The following ZSWIM6 variants were observed in gnomAD, a reference collection of about 807,000 sequenced individuals.
ZSWIM6 encodes the protein zinc finger SWIM domain-containing protein 6.
Under a neutral mutation model 113.2 loss-of-function variants are expected in ZSWIM6, and 9 were observed. The observed-to-expected ratio is 0.08, with a 90% confidence interval of 0.05 to 0.14. The LOEUF is 0.14. Among genes scored for constraint, ZSWIM6 ranks in the 10% least tolerant of loss-of-function variants. The pLI is 1.00. For synonymous variants in ZSWIM6, 611 were observed against 606.5 expected, an observed-to-expected ratio of 1.01 and a Z score of -0.11; for missense variants, 1,162 against 1,552.2, an observed-to-expected ratio of 0.75 and a Z score of 4.22.
chr5:61,431,087 A>G (rs1450855771), intron 1 of ZSWIM6, among the ~76,000 whole-genome samples: 1 of 152,080 alleles, frequency 6.6e-6, no homozygotes, highest in African/African-American at 2.4e-5. Context: ...ATATCATCTT[A>G]TGGGTCGGGC....
intron 4 of ZSWIM6, among the ~76,000 whole-genome samples, chr5:61,520,668 C>T (rs139630875): frequency 1.9e-3 from 291 of 151,808 alleles, no homozygotes; most frequent in African/African-American, 6.4e-3. Context: ...ATTTTACTGA[C>T]GGATAAATAT....
chr5:61,366,142 C>T (rs183307664), intron 1 of ZSWIM6, among the ~76,000 whole-genome samples: 165 of 152,286 alleles, frequency 1.1e-3, no homozygotes, highest in Non-Finnish European at 2.0e-3. Flanking sequence ...GCGATCTGCC[C>T]GCCTTGGCCT....
intron 1 of ZSWIM6, among the ~76,000 whole-genome samples, chr5:61,406,902 G>A (rs1273610081): frequency 6.6e-6 from 1 of 152,100 alleles, no homozygotes; most frequent in African/African-American, 2.4e-5. Flanking sequence ...TAGTAGAGAC[G>A]GTGTTTTGCC....
Position 61,526,352 on chromosome 5 carries a change from G to A in ZSWIM6, c.1793G>A (p.Arg598Gln), listed in dbSNP as rs954444840. Residue 598 changes from arginine (R) to glutamine (Q), a missense_variant, in exon 7 of 14, where the codon CGA becomes CAA. This residue lies in a region of ZSWIM6 where 620 missense variants were observed against 804.6 expected (regional missense o/e 0.77). Coordinates refer to ENST00000252744, the MANE Select transcript of ZSWIM6 (RefSeq NM_020928.2). ...LAIAIVNTLR[R>Q]QQQKQLEMFR... ...ATAGCTATTGTTAATACATTAAGAC[G>A]ACAGCAGCAGAAACAGTTGGAAATG... 6 of 1,552,038 alleles carry A rather than the reference G, an allele frequency of 3.9e-6. No individual in the cohort carries two copies. The highest frequency in any genetic ancestry group is 2.4e-5 in the East Asian group (1 of 40,908).
At chr5:61,496,584 G>A (rs1247506442) in intron 4 of ZSWIM6, among the ~76,000 whole-genome samples, 1 of 152,094 alleles carries the variant, frequency 6.6e-6, no homozygotes, top group East Asian at 1.9e-4. Flanking sequence ...AGTTTTGTCG[G>A]CAAATGGGAT....
chr5:61,430,421 TG>T (rs1350875851), intron 1 of ZSWIM6, among the ~76,000 whole-genome samples: 2 of 152,238 alleles, frequency 1.3e-5, no homozygotes, highest in Non-Finnish European at 2.9e-5. Context: ...TTTGGTTTCC[TG>T]TTATATTAAA....
At position 61,543,735 on chromosome 5, in the gene ZSWIM6, G is replaced by A. The variant is rs1251656131; in HGVS notation, c.3066G>A (p.Thr1022=). Reference sequence around the variant, plus strand: ...ACCAAATTGTTCTCGACGCTGCTACGACTGGCATGAGCTATACACAGCTCT... The same window carrying A: ...ACCAAATTGTTCTCGACGCTGCTACAACTGGCATGAGCTATACACAGCTCT... ...TAYQIVLDAA[T]TGMSYTQLFT... Residue 1022 remains threonine, a synonymous_variant, in exon 14 of 14, where the codon ACG becomes ACA. Transcript: ENST00000252744. This position sits in a 1 kb window ranked among gnomAD's most constrained non-coding sequence, Gnocchi z 4.3. 34 of 1,551,558 alleles carry A rather than the reference G, an allele frequency of 2.2e-5. No individual in the cohort carries two copies. Among genetic ancestry groups the A allele is most frequent in the Admixed American group, 3.9e-5 (2 of 50,994 alleles).
intron 1 of ZSWIM6, among the ~76,000 whole-genome samples, chr5:61,334,526 G>T (rs1579935923): frequency 6.6e-6 from 1 of 152,148 alleles, no homozygotes; most frequent in Non-Finnish European, 1.5e-5. Context: ...TGGGGTGGGG[G>T]TCTGGATAGG....
chr5:61,332,424 C>CG lies in ZSWIM6; in HGVS notation c.154dup (p.Ala52GlyfsTer48). 2 of 975,488 alleles carry CG rather than the reference C, an allele frequency of 2.1e-6. No homozygotes were observed. Among genetic ancestry groups the CG allele is most frequent in the Non-Finnish European group, 1.2e-6 (1 of 821,972 alleles). 60.4% of individuals were successfully genotyped at this position (975,488 alleles called of 1,614,324 possible). Reference sequence around the variant, plus strand: ...CGGCCAGGCCCGCGGGCGGGTGGCGCGGCGGCGGCGGCGGCGTGCGGGGGC... The same window carrying CG: ...CGGCCAGGCCCGCGGGCGGGTGGCGCGGGCGGCGGCGGCGGCGTGCGGGGGC... On this transcript the variant is annotated frameshift_variant, in exon 1 of 14. Transcript: ENST00000252744. LOFTEE classifies it high-confidence loss of function.
intron 1 of ZSWIM6, among the ~76,000 whole-genome samples, chr5:61,352,395 A>G (rs1744807642): frequency 6.6e-6 from 1 of 152,202 alleles, no homozygotes; most frequent in Non-Finnish European, 1.5e-5. Context: ...CAGTATAACC[A>G]TTTGCACATA....
intron 1 of ZSWIM6, among the ~76,000 whole-genome samples, chr5:61,400,088 G>A (rs1301724217): frequency 6.6e-6 from 1 of 152,164 alleles, no homozygotes; most frequent in East Asian, 1.9e-4. Context: ...ATTTGTCTGT[G>A]TTCAGCCTTT....
At chr5:61,450,443 C>A (rs1299483109) in intron 1 of ZSWIM6, among the ~76,000 whole-genome samples, 1 of 152,092 alleles carries the variant, frequency 6.6e-6, no homozygotes, top group Non-Finnish European at 1.5e-5. Flanking sequence ...TAAATGATTT[C>A]TCATTTATGT....
chr5:61,339,361 C>T (rs980464370), intron 1 of ZSWIM6, among the ~76,000 whole-genome samples: 1 of 152,008 alleles, frequency 6.6e-6, no homozygotes, highest in Non-Finnish European at 1.5e-5. Context: ...TGCAGTGAGC[C>T]GAGATTGTAC....
chr5:61,544,228 A>G lies in ZSWIM6; in HGVS notation c.3559A>G (p.Ile1187Val), dbSNP rs920093349. ...ETFLMAHDGH[I>V]QFTQFIDNLK... ...CTTCTTAATGGCGCATGATGGACAC[A>G]TTCAGTTTACACAGTTTATTGACAA... The change falls in exon 14 of 14, where the codon ATT becomes GTT. Residue 1187 changes from isoleucine (I) to valine (V), a missense_variant. Transcript: ENST00000252744. 3.7e-5 allele frequency: 58 copies of G among 1,551,238 alleles called. No individual in the cohort carries two copies. The highest frequency in any genetic ancestry group is 5.0e-5 in the Non-Finnish European group (57 of 1,146,952).
At chr5:61,484,520 AT>A (rs1401756148) in intron 2 of ZSWIM6, among the ~76,000 whole-genome samples, 1 of 152,216 alleles carries the variant, frequency 6.6e-6, no homozygotes, top group African/African-American at 2.4e-5. Flanking sequence ...TCAAGATTCT[AT>A]AGTTGTTTGG....
In ZSWIM6 at chr5:61,494,311, T is replaced by C. The variant is rs1216785983; in HGVS notation, c.1234T>C (p.Leu412=). ...CTCCAATGGGGCCCGCATGTTGACC[T>C]TGATAACAGAGCAATTCATGGCTGA... ...RDSNGARMLT[L]ITEQFMADPR... Residue 412 remains leucine, a synonymous_variant, in exon 4 of 14, where the codon TTG becomes CTG. Transcript: ENST00000252744. 1 of 1,551,048 alleles carries C rather than the reference T, an allele frequency of 6.4e-7. No individual in the cohort carries two copies. Among genetic ancestry groups the C allele is most frequent in the Non-Finnish European group, 8.7e-7 (1 of 1,146,624 alleles).
rs1406356671 is a variant in ZSWIM6, at chr5:61,487,441, T to C, written c.1034-3345T>C. ...GGTCTAATTCTGTGAAAAATGTCAA[T>C]ATTTGGATAAAGATTGCGTTGAATC... On this transcript the variant is annotated intron_variant, in intron 2 of 13. Transcript: ENST00000252744. Among the ~76,000 whole-genome samples, 14 of 152,064 alleles carry C rather than the reference T, an allele frequency of 9.2e-5. No individual in the cohort carries two copies. The East Asian group carries it at 2.7e-3, about 29-fold the overall frequency.
chr5:61,353,166 G>T (rs1181630681), intron 1 of ZSWIM6, among the ~76,000 whole-genome samples: 1 of 152,176 alleles, frequency 6.6e-6, no homozygotes, highest in Non-Finnish European at 1.5e-5. Flanking sequence ...TGGTCTTGGA[G>T]AAACCTGAAA....
At chr5:61,369,808 G>C (rs1257318137) in intron 1 of ZSWIM6, among the ~76,000 whole-genome samples, 1 of 152,118 alleles carries the variant, frequency 6.6e-6, no homozygotes, top group African/African-American at 2.4e-5. Context: ...GAGATGTTAA[G>C]ATTTGCAATA....
Sources: gnomAD v4.1 joint callset for allele counts (sites outside exome capture counted in the v4.1 genomes callset) on GRCh38, gnomAD v4.1.1 for gene constraint, gnomAD v4.1.1 regional missense constraint, Gnocchi (gnomAD v3.1) non-coding constraint, MANE v1.5 for transcripts, NCBI Gene and HGNC (gene_info 2026-07-23, HGNC 2026-07-21) for gene names.